LIFR: variants seen among roughly 807,000 people sequenced by gnomAD.
LIFR encodes LIF receptor subunit alpha.
In LIFR, 84 loss-of-function variants were observed where a neutral mutation model predicts 122.2. The observed-to-expected ratio is 0.69, with a 90% CI of 0.58 to 0.82. LIFR has a LOEUF of 0.82. Ranked by LOEUF, LIFR falls within the 40% of genes least tolerant of loss-of-function variation. LIFR has a pLI of 0.00. For synonymous variants in LIFR, 422 were observed against 434.7 expected (o/e 0.97, Z 0.36); for missense variants, 1,294 against 1,311.6 (o/e 0.99, Z 0.21).
chr5:38,532,851 T>C (rs1400553101), intron 1 of LIFR, among the ~76,000 whole-genome samples: 1 of 152,172 alleles, frequency 6.6e-6, no homozygotes, highest in Non-Finnish European at 1.5e-5. Context: ...ATAGAAACAT[T>C]GTCAGAATTC....
upstream of LIFR, chr5:38,556,758 C>T (rs1240831571): frequency 6.8e-6 from 1 of 146,804 alleles, no homozygotes; most frequent in Non-Finnish European, 1.5e-5. Flanking sequence ...ACCCGCGCGC[C>T]CCCGCCGATC....
chr5:38,483,467 G>A (rs1744108730), intron 18 of LIFR, among the ~76,000 whole-genome samples: 1 of 151,794 alleles, frequency 6.6e-6, no homozygotes, highest in South Asian at 2.1e-4. Flanking sequence ...CTGTTGCTAG[G>A]GTGGGGTGCA....
At chr5:38,569,074 T>C (rs1749121660) in intron 1 of LIFR, among the ~76,000 whole-genome samples, 1 of 152,208 alleles carries the variant, frequency 6.6e-6, no homozygotes, top group African/African-American at 2.4e-5. Flanking sequence ...GTGACTTGGA[T>C]AATCTGATCA....
At chr5:38,573,974 G>A (rs1459412959) in intron 1 of LIFR, among the ~76,000 whole-genome samples, 1 of 152,078 alleles carries the variant, frequency 6.6e-6, no homozygotes. Flanking sequence ...AATTAGTCGA[G>A]CATGGTGGCA....
chr5:38,553,648 A>T (rs1257764104), intron 1 of LIFR, among the ~76,000 whole-genome samples: 1 of 102,230 alleles, frequency 9.8e-6, no homozygotes, highest in Admixed American at 9.5e-5. Flanking sequence ...ATATATATAT[A>T]TATATATATA....
At chr5:38,524,303 G>A (rs1161230846) in intron 4 of LIFR, among the ~76,000 whole-genome samples, 1 of 152,170 alleles carries the variant, frequency 6.6e-6, no homozygotes, top group Non-Finnish European at 1.5e-5. Flanking sequence ...ATTGAGTTAA[G>A]AAGCCAGTGG....
chr5:38,553,747 T>C (rs569397036), intron 1 of LIFR, among the ~76,000 whole-genome samples: 20 of 144,894 alleles, frequency 1.4e-4, no homozygotes, highest in Admixed American at 1.2e-3. Context: ...ATAAGCATAA[T>C]GAAAATACTG....
At chr5:38,564,790 T>C (rs529909876) in intron 1 of LIFR, among the ~76,000 whole-genome samples, 3 of 150,762 alleles carry the variant, frequency 2.0e-5, no homozygotes, top group African/African-American at 7.3e-5. Flanking sequence ...ATATTTTTTT[T>C]TTGAGTCAGA....
chr5:38,549,753 T>C (rs1056255634), intron 1 of LIFR, among the ~76,000 whole-genome samples: 1 of 152,190 alleles, frequency 6.6e-6, no homozygotes, highest in African/African-American at 2.4e-5. Flanking sequence ...ACTGCGCCAC[T>C]GCACGCCAGC....
Position 38,502,701 on chromosome 5 carries a change from A to G in LIFR, c.1536T>C (p.Ser512=). The G allele has an allele frequency of 1.9e-6, 3 of 1,613,282 alleles. No individual in the cohort carries two copies. The highest frequency in any genetic ancestry group is 2.5e-6 in the Non-Finnish European group (3 of 1,179,262). The change falls in exon 11 of 20, where the codon TCT becomes TCC. Residue 512 remains serine (S), a synonymous_variant. Transcript: ENST00000453190. ...YTLYTFRIRC[S]TETFWKWSKW... is the part of the protein sequence containing the mutation. ...TGCTCCATTTCCAGAAAGTTTCAGT[A>G]GAACAACGAATCCGAAAAGTATATA...
At position 38,569,427 on chromosome 5, in the gene LIFR, G is replaced by A. The variant is rs577215243; in HGVS notation, c.-20+25834C>T. On this transcript the variant is annotated intron_variant, in intron 1 of 19. Coordinates refer to the LIFR transcript ENST00000263409. ...CAGGAGGTGAGAAGCAGGCAAGCGA[G>A]CATTACCACCTGAGCTCCACCTCCT... Among the ~76,000 whole-genome samples the A allele has an allele frequency of 5.3e-5, 8 of 151,996 alleles. No individual in the cohort carries two copies. In the South Asian group the frequency reaches 1.7e-3, roughly 31 times the overall value.
intron 1 of LIFR, among the ~76,000 whole-genome samples, chr5:38,555,329 C>T (rs1748459932): frequency 1.3e-5 from 2 of 152,140 alleles, no homozygotes; most frequent in Admixed American, 6.5e-5. Flanking sequence ...GTAGCATTCG[C>T]GCTGAAAAAA....
intron 4 of LIFR, among the ~76,000 whole-genome samples, chr5:38,526,414 A>ACT (rs1434604935): frequency 6.5e-5 from 8 of 123,750 alleles, no homozygotes; most frequent in Non-Finnish European, 1.0e-4. Context: ...TACAAACTTT[A>ACT]CTGTGTGTGT....
chr5:38,594,637 G>C (rs1385626826), intron 1 of LIFR, among the ~76,000 whole-genome samples: 1 of 151,990 alleles, frequency 6.6e-6, no homozygotes, highest in Non-Finnish European at 1.5e-5. Context: ...ATAAGGTCTA[G>C]TAATGAAAAA....
intron 1 of LIFR, among the ~76,000 whole-genome samples, chr5:38,540,596 C>T (rs745840683): frequency 6.6e-6 from 1 of 152,156 alleles, no homozygotes; most frequent in Non-Finnish European, 1.5e-5. Flanking sequence ...CACAGGCTGG[C>T]GGGCAGCCCC....
intron 1 of LIFR, among the ~76,000 whole-genome samples, chr5:38,585,933 T>C (rs550674886): frequency 2.9e-4 from 44 of 152,098 alleles, no homozygotes; most frequent in Non-Finnish European, 4.7e-4. Flanking sequence ...GAGAGCATGA[T>C]TGATGACCCA....
intron 1 of LIFR, among the ~76,000 whole-genome samples, chr5:38,550,723 T>C (rs903419359): frequency 3.3e-5 from 5 of 152,162 alleles, no homozygotes; most frequent in Admixed American, 6.5e-5. Flanking sequence ...CTCGCAAAAG[T>C]TCCTGCCCTT....
exon 1 of LIFR, chr5:38,608,255 T>TATACTTAA (rs1750372472): frequency 3.3e-5 from 5 of 152,148 alleles, no homozygotes; most frequent in African/African-American, 1.2e-4. Context: ...ACATGTTCTT[T>TATACTTAA]GGGTTTCCTG....
At chr5:38,586,183 G>T (rs7715755) in intron 1 of LIFR, among the ~76,000 whole-genome samples, 125,628 of 152,088 alleles carry the variant, frequency 0.83, 52,067 homozygotes, top group East Asian at 0.97. Flanking sequence ...GGGTGTCAAT[G>T]AAAAGCCCCC....
Sources: gnomAD v4.1 joint callset for allele counts (sites outside exome capture counted in the v4.1 genomes callset) on GRCh38, gnomAD v4.1.1 for gene constraint, MANE v1.5 for transcripts, NCBI Gene and HGNC (gene_info 2026-07-23, HGNC 2026-07-21) for gene names.